The following NCAPG2 variants were observed in gnomAD, a reference collection of about 807,000 sequenced individuals.
NCAPG2 encodes condensin-2 complex subunit G2.
Under a neutral mutation model 141.1 loss-of-function variants are expected in NCAPG2, and 53 were observed. That is an observed-to-expected ratio of 0.38 (90% CI 0.30 to 0.47). The LOEUF is 0.47. NCAPG2 is among the 20% of genes least tolerant of loss of function. NCAPG2 has a pLI of 0.99. For synonymous variants in NCAPG2, 499 were observed against 490.7 expected (o/e 1.02, Z -0.22); for missense variants, 1,087 against 1,389.0 (o/e 0.78, Z 3.46).
At chr7:158,698,592 A>G (rs1452338085) in intron 2 of NCAPG2, among the ~76,000 whole-genome samples, 1 of 152,210 alleles carries the variant, frequency 6.6e-6, no homozygotes, top group South Asian at 2.1e-4. Context: ...GAGCTGCTCC[A>G]TCTGGGTGTA....
chr7:158,632,361 T>C (rs921530180), intron 27 of NCAPG2, among the ~76,000 whole-genome samples: 4 of 152,200 alleles, frequency 2.6e-5, no homozygotes, highest in East Asian at 1.9e-4. Context: ...AGCATATCAC[T>C]GTTCCTTCAA....
rs115486691 is a variant in NCAPG2 at position 158,646,846 on chromosome 7, G to A, written c.3076-283C>T. Among the ~76,000 whole-genome samples the A allele has an allele frequency of 6.3e-3, 951 of 152,098 alleles. 11 individuals carry two copies. The highest frequency in any genetic ancestry group is 0.021 in the African/African-American group (888 of 41,506). ...AGTTCAAGATCAGGCTAGTCAACAT[G>A]ACAAGACCCTGCCTCTCTAACAAAA... On this transcript the variant is annotated intron_variant, in intron 24 of 27. Transcript: ENST00000356309.
In NCAPG2 at chr7:158,631,597, G is replaced by A; in HGVS notation, c.*69C>T. Reference sequence around the variant, plus strand: ...GGGTTATTAACATTAAAAACAATAGGAAAATACACAGGCATTTCAATTTGA... The same window carrying A: ...GGGTTATTAACATTAAAAACAATAGAAAAATACACAGGCATTTCAATTTGA... On this transcript the variant is annotated 3_prime_UTR_variant, in exon 28 of 28. Coordinates refer to ENST00000356309, the MANE Select transcript of NCAPG2 (RefSeq NM_017760.7). 1 of 1,365,550 alleles carries A rather than the reference G, an allele frequency of 7.3e-7. No homozygotes were observed. Among genetic ancestry groups the A allele is most frequent in the Non-Finnish European group, 1.0e-6 (1 of 959,534 alleles). 84.6% of individuals were successfully genotyped at this position (1,365,550 alleles called of 1,614,324 possible).
intron 2 of NCAPG2, among the ~76,000 whole-genome samples, chr7:158,697,680 G>A (rs1835542364): frequency 6.6e-6 from 1 of 151,536 alleles, no homozygotes; most frequent in Non-Finnish European, 1.5e-5. Context: ...GCAAAGACAT[G>A]GAATAAACCT....
chr7:158,671,673 C>G lies in NCAPG2; in HGVS notation c.1327-7G>C, dbSNP rs2129464555. ...CCAAAATCATTGGCAGACACTGCAA[C>G]AGAGAGAAAGATAAACAATTCAAAA... On this transcript the variant is annotated splice_polypyrimidine_tract_variant and splice_region_variant and intron_variant, in intron 12 of 27. Transcript: ENST00000356309. The G allele has an allele frequency of 6.2e-7, 1 of 1,613,238 alleles. No individual in the cohort carries two copies. Among genetic ancestry groups the G allele is most frequent in the Non-Finnish European group, 8.5e-7 (1 of 1,179,732 alleles).
chr7:158,652,617 C>T (rs1002298454), intron 22 of NCAPG2, 137 bp from the exon 23 acceptor site: 1 of 715,598 alleles, frequency 1.4e-6, no homozygotes, highest in Non-Finnish European at 2.2e-6. Flanking sequence ...TGAGCCAATA[C>T]CAAAAGCCAG....
intron 16 of NCAPG2, among the ~76,000 whole-genome samples, chr7:158,659,435 G>T (rs1832304342): frequency 7.5e-6 from 1 of 133,320 alleles, no homozygotes; most frequent in Non-Finnish European, 1.8e-5. Flanking sequence ...TAGCACAGAG[G>T]AGAGGAGTTA....
chr7:158,667,308 TAG>T (rs1400835528), intron 13 of NCAPG2: 5 of 402,792 alleles, frequency 1.2e-5, no homozygotes, highest in Admixed American at 1.3e-4. Context: ...CCTCCACCCT[TAG>T]CCGCTACTGT....
chr7:158,641,479 TG>T, intron 27 of NCAPG2: 1 of 675,428 alleles, frequency 1.5e-6, no homozygotes, highest in Non-Finnish European at 2.7e-6. Flanking sequence ...CAATTGGGAC[TG>T]AGGCAGAAGG....
chr7:158,656,512 C>T (rs372338932), intron 18 of NCAPG2, 40 bp downstream of exon 18: 40 of 1,611,914 alleles, frequency 2.5e-5, no homozygotes, highest in Non-Finnish European at 3.2e-5. Flanking sequence ...CACAGTTATC[C>T]TCACTCACCT....
At chr7:158,639,852 A>G (rs1339424307) in intron 27 of NCAPG2, 4 of 977,148 alleles carry the variant, frequency 4.1e-6, no homozygotes, top group Non-Finnish European at 4.9e-6. Context: ...AACATTCTCA[A>G]ATAAAATATT....
At chr7:158,671,993 C>G (rs1412105078) in intron 12 of NCAPG2, among the ~76,000 whole-genome samples, 1 of 152,112 alleles carries the variant, frequency 6.6e-6, no homozygotes, top group African/African-American at 2.4e-5. Context: ...CACAGAATAA[C>G]TACTGGTCAC....
At chr7:158,679,891 C>G (rs1587249398) in intron 11 of NCAPG2, 69 bp downstream of exon 11, 1 of 1,566,780 alleles carries the variant, frequency 6.4e-7, no homozygotes, top group Non-Finnish European at 8.7e-7. Flanking sequence ...GGGACACACA[C>G]AAGCAGTACA....
intron 22 of NCAPG2, 85 bp from the exon 23 acceptor site, chr7:158,652,565 A>ATTACACATTTCTC: frequency 9.2e-7 from 1 of 1,087,008 alleles, no homozygotes. Context: ...ACACATGTAT[A>ATTACACATTTCTC]AAATGGTAAC....
At chr7:158,692,062 T>C (rs1422285569) in intron 4 of NCAPG2, among the ~76,000 whole-genome samples, 1 of 152,210 alleles carries the variant, frequency 6.6e-6, no homozygotes, top group Non-Finnish European at 1.5e-5. Context: ...CCCAGCACTT[T>C]GCCAGGGCAA....
At chr7:158,700,472 C>G (rs535531762) in intron 2 of NCAPG2, among the ~76,000 whole-genome samples, 1 of 152,304 alleles carries the variant, frequency 6.6e-6, no homozygotes, top group Non-Finnish European at 1.5e-5. Context: ...ATGGTATGCA[C>G]TTTGCAACAA....
chr7:158,660,004 C>T (rs1365721194), intron 16 of NCAPG2, among the ~76,000 whole-genome samples: 2 of 150,870 alleles, frequency 1.3e-5, no homozygotes, highest in African/African-American at 2.4e-5. Flanking sequence ...CCCAGCTACT[C>T]GGGAGGCTGA....
chr7:158,637,203 T>TCC (rs1830281300), intron 27 of NCAPG2, among the ~76,000 whole-genome samples: 1 of 152,230 alleles, frequency 6.6e-6, no homozygotes, highest in African/African-American at 2.4e-5. Flanking sequence ...TGCCTTGGCC[T>TCC]CCCAAAGTGC....
intron 10 of NCAPG2, 140 bp downstream of exon 10, chr7:158,680,581 C>T (rs993376322): frequency 5.2e-5 from 26 of 500,636 alleles, no homozygotes; most frequent in Non-Finnish European, 8.1e-5. Context: ...AAGAAAAAAA[C>T]ATTTGTTCAA....
Sources: gnomAD v4.1 joint callset for allele counts (sites outside exome capture counted in the v4.1 genomes callset) on GRCh38, gnomAD v4.1.1 for gene constraint, MANE v1.5 for transcripts, NCBI Gene and HGNC (gene_info 2026-07-23, HGNC 2026-07-21) for gene names.